The following ZMIZ1 variants were observed in gnomAD, a reference collection of about 807,000 sequenced individuals.
ZMIZ1 encodes the protein zinc finger MIZ-type containing 1, also known as zinc finger MIZ domain-containing protein 1.
Under a neutral mutation model 113.9 loss-of-function variants are expected in ZMIZ1, and 17 were observed. That is an observed-to-expected ratio of 0.15 (90% CI 0.10 to 0.22). ZMIZ1 has a LOEUF of 0.22. ZMIZ1 is among the 10% of genes least tolerant of loss of function. The pLI is 1.00. For synonymous variants in ZMIZ1, 607 were observed against 603.1 expected (o/e 1.01, Z -0.09); for missense variants, 1,059 against 1,477.8 (o/e 0.72, Z 4.65).
chr10:79,267,516 A>G (rs1476113840), intron 7 of ZMIZ1, among the ~76,000 whole-genome samples: 1 of 152,242 alleles, frequency 6.6e-6, no homozygotes, highest in East Asian at 1.9e-4. Context: ...TCCTCATGGT[A>G]ATTTAGGTGG....
rs903706949 is a variant in ZMIZ1 at position 79,118,552 on chromosome 10, G to C, written c.-336-363G>C. On this transcript the variant is annotated intron_variant, in intron 1 of 24. Coordinates refer to ENST00000334512, the MANE Select transcript of ZMIZ1 (RefSeq NM_020338.4). The surrounding 1 kb of genome is among the most constrained non-coding windows in gnomAD (Gnocchi z 4.1). The stretch of plus-strand genomic sequence containing the variant: ...CCAGGGGCCCTTGAAAGACAGAGAA[G>C]TGGGGAGAAGAGCTCTGAGCGGGGC... 3.9e-5 allele frequency among the ~76,000 whole-genome samples: 6 copies of C among 152,250 alleles called. No individual in the cohort carries two copies. Among genetic ancestry groups the C allele is most frequent in the African/African-American group, 1.4e-4 (6 of 41,476 alleles).
At chr10:79,075,586 T>G (rs958694711) in intron 1 of ZMIZ1, among the ~76,000 whole-genome samples, 1 of 151,650 alleles carries the variant, frequency 6.6e-6, no homozygotes, top group Non-Finnish European at 1.5e-5. Context: ...CATGCACACA[T>G]GCACACCTGC....
chr10:79,069,569 C>T lies in ZMIZ1; in HGVS notation c.-337+299C>T, dbSNP rs1295810625. ...TGGTCGTGCGCGCGCGGACCCGGTG[C>T]CCGCCTCCTGCCGGCGCGCCTCCAG... On this transcript the variant is annotated intron_variant, in intron 1 of 24. Transcript: ENST00000334512. This position sits in a 1 kb window ranked among gnomAD's most constrained non-coding sequence, Gnocchi z 4.6. Among the ~76,000 whole-genome samples, 1 of 150,150 alleles carries T rather than the reference C, an allele frequency of 6.7e-6. No homozygotes were observed. Among genetic ancestry groups the T allele is most frequent in the Non-Finnish European group, 1.5e-5 (1 of 67,360 alleles).
intron 7 of ZMIZ1, among the ~76,000 whole-genome samples, chr10:79,223,222 A>G (rs1213718290): frequency 6.6e-6 from 1 of 152,202 alleles, no homozygotes; most frequent in Non-Finnish European, 1.5e-5. Context: ...CTGCGTGAAA[A>G]ACAGCTCGCG....
chr10:79,131,419 G>A (rs1844763456), intron 2 of ZMIZ1, among the ~76,000 whole-genome samples: 2 of 152,164 alleles, frequency 1.3e-5, no homozygotes, highest in Non-Finnish European at 2.9e-5. Context: ...TCTTCTCTGA[G>A]CTGTCGTGCC....
At chr10:79,253,757 G>A (rs1000828209) in intron 7 of ZMIZ1, among the ~76,000 whole-genome samples, 4 of 152,200 alleles carry the variant, frequency 2.6e-5, no homozygotes, top group Admixed American at 2.0e-4. Context: ...AGGACTTTGT[G>A]AGAGGCCCCT....
chr10:79,103,598 C>A (rs1843446581), intron 1 of ZMIZ1, among the ~76,000 whole-genome samples: 1 of 151,728 alleles, frequency 6.6e-6, no homozygotes, highest in South Asian at 2.1e-4. Flanking sequence ...GGAGGGAGGG[C>A]AAGGGGTGAT....
At chr10:79,209,162 G>A (rs1316027196) in intron 6 of ZMIZ1, among the ~76,000 whole-genome samples, 1 of 143,960 alleles carries the variant, frequency 6.9e-6, no homozygotes, top group East Asian at 2.0e-4. Flanking sequence ...AGGGGCAGGA[G>A]TGCTCGGGGC....
At position 79,292,138 on chromosome 10, in the gene ZMIZ1, C is replaced by T; in HGVS notation, c.759-20C>T. ...CAGATGCAGGCAGTACCTAACTCTT[C>T]CACCCTTCTCCCCCTGCAGTTACCC... On this transcript the variant is annotated intron_variant, in intron 10 of 24. Transcript: ENST00000334512. 2 of 1,594,454 alleles carry T rather than the reference C, an allele frequency of 1.3e-6. No individual in the cohort carries two copies. The highest frequency in any genetic ancestry group is 1.7e-6 in the Non-Finnish European group (2 of 1,166,908).
At chr10:79,163,913 G>T (rs1238043121) in intron 4 of ZMIZ1, among the ~76,000 whole-genome samples, 1 of 152,230 alleles carries the variant, frequency 6.6e-6, no homozygotes, top group Non-Finnish European at 1.5e-5. Context: ...TTCACGGTGG[G>T]TTCTCTTTTC....
intron 4 of ZMIZ1, among the ~76,000 whole-genome samples, chr10:79,183,055 T>C (rs1847186934): frequency 6.6e-6 from 1 of 152,164 alleles, no homozygotes; most frequent in Non-Finnish European, 1.5e-5. Context: ...TGATAAGCAG[T>C]ACCAAGTCAA....
chr10:79,094,940 C>G (rs1010582689), intron 1 of ZMIZ1, among the ~76,000 whole-genome samples: 1 of 150,362 alleles, frequency 6.7e-6, no homozygotes, highest in Non-Finnish European at 1.5e-5. Flanking sequence ...CAGAGCAAGA[C>G]CCTGCCCCTC....
intron 2 of ZMIZ1, among the ~76,000 whole-genome samples, chr10:79,122,265 A>G (rs564995832): frequency 6.6e-6 from 1 of 152,266 alleles, no homozygotes; most frequent in South Asian, 2.1e-4. Flanking sequence ...GAGGAGGGTC[A>G]GTGGTGCCAG....
chr10:79,073,345 T>C (rs949258493), intron 1 of ZMIZ1, among the ~76,000 whole-genome samples: 3 of 152,190 alleles, frequency 2.0e-5, no homozygotes, highest in Non-Finnish European at 4.4e-5. Flanking sequence ...AGGGTTTAGA[T>C]TGCAAGTGCT....
intron 16 of ZMIZ1, 88 bp downstream of exon 16, chr10:79,299,279 A>G (rs575144826): frequency 2.0e-6 from 3 of 1,499,380 alleles, no homozygotes; most frequent in Non-Finnish European, 2.7e-6. Context: ...GGCCCTGGGC[A>G]GGGGGTAGCA....
chr10:79,087,531 G>A (rs1388750508), intron 1 of ZMIZ1, among the ~76,000 whole-genome samples: 1 of 152,160 alleles, frequency 6.6e-6, no homozygotes, highest in East Asian at 1.9e-4. Flanking sequence ...TCCCCAGGCA[G>A]CAACCTTCTC....
chr10:79,274,451 T>A (rs1852143317), intron 7 of ZMIZ1, among the ~76,000 whole-genome samples: 1 of 152,234 alleles, frequency 6.6e-6, no homozygotes. Flanking sequence ...ATCCCCTGCC[T>A]GCCTCTGTCT....
intron 1 of ZMIZ1, among the ~76,000 whole-genome samples, chr10:79,111,068 C>T (rs1044137031): frequency 5.9e-5 from 9 of 152,246 alleles, no homozygotes; most frequent in African/African-American, 1.7e-4. Flanking sequence ...TGACCACCAC[C>T]GGGGCCCCTG....
At chr10:79,192,741 G>A (rs1369466010) in intron 4 of ZMIZ1, among the ~76,000 whole-genome samples, 1 of 152,226 alleles carries the variant, frequency 6.6e-6, no homozygotes, top group Non-Finnish European at 1.5e-5. Context: ...TGAGGATGCA[G>A]GCTCAGGAAG....
Sources: gnomAD v4.1 joint callset for allele counts (sites outside exome capture counted in the v4.1 genomes callset) on GRCh38, gnomAD v4.1.1 for gene constraint, Gnocchi (gnomAD v3.1) non-coding constraint, MANE v1.5 for transcripts, NCBI Gene and HGNC (gene_info 2026-07-23, HGNC 2026-07-21) for gene names.